The following ARHGEF11 variants were observed in gnomAD, a reference collection of about 807,000 sequenced individuals.
ARHGEF11 encodes the protein Rho guanine exchange factor (GEF) 11.
ARHGEF11 carries 55 observed loss-of-function variants against 193.7 expected under a neutral mutation model. The observed-to-expected ratio is 0.28, with a 90% CI of 0.23 to 0.36. The LOEUF is 0.36. ARHGEF11 is among the 10% of genes least tolerant of loss of function. The pLI is 1.00. For synonymous variants in ARHGEF11, 693 were observed against 768.0 expected, an observed-to-expected ratio of 0.90 and a Z score of 1.62; for missense variants, 1,723 against 2,005.6, an observed-to-expected ratio of 0.86 and a Z score of 2.69.
intron 1 of ARHGEF11, among the ~76,000 whole-genome samples, chr1:157,016,819 T>C (rs1156281375): frequency 6.6e-6 from 1 of 151,464 alleles, no homozygotes; most frequent in African/African-American, 2.4e-5. Context: ...ATTTATTTAT[T>C]TATTTATTTT....
chr1:156,941,481 T>C, intron 34 of ARHGEF11, 48 bp from the exon 35 acceptor site: 1 of 1,577,416 alleles, frequency 6.3e-7, no homozygotes, highest in Non-Finnish European at 8.7e-7. Context: ...GATTCCACCC[T>C]GGACTCATGC....
Position 156,943,916 on chromosome 1 carries a change from G to A in ARHGEF11, c.3235+19C>T. 9 of 1,602,656 alleles carry A rather than the reference G, an allele frequency of 5.6e-6. No homozygotes were observed. The highest frequency in any genetic ancestry group is 7.7e-6 in the Non-Finnish European group (9 of 1,172,654). On this transcript the variant is annotated intron_variant, in intron 32 of 40. Transcript: ENST00000368194. The stretch of plus-strand genomic sequence containing the variant: ...TGGTCCCTGAGCCCCAGGCCAGCCT[G>A]GACCATCTCCCCAGGTACCTGTGGC...
chr1:157,002,197 C>A (rs1267694524), intron 1 of ARHGEF11, among the ~76,000 whole-genome samples: 1 of 152,046 alleles, frequency 6.6e-6, no homozygotes, highest in Non-Finnish European at 1.5e-5. Flanking sequence ...AATAATGGAC[C>A]ACCTCGAACA....
Position 157,028,851 on chromosome 1 carries a change from A to C in ARHGEF11, c.32+15448T>G, listed in dbSNP as rs112689043. ...CACACCCACAATCCTAGCTATAATC[A>C]AAAAGAAAGTGTTGGTAAAGATATG... is the stretch of plus-strand genomic sequence containing the variant. On this transcript the variant is annotated intron_variant, in intron 1 of 40. Transcript: ENST00000368194. Among the ~76,000 whole-genome samples the C allele has an allele frequency of 4.1e-3, 619 of 152,240 alleles. 4 individuals carry two copies. Among genetic ancestry groups the C allele is most frequent in the Admixed American group, 8.6e-3 (132 of 15,290 alleles).
intron 13 of ARHGEF11, among the ~76,000 whole-genome samples, chr1:156,962,720 T>C (rs1661082890): frequency 6.6e-6 from 1 of 150,904 alleles, no homozygotes; most frequent in Non-Finnish European, 1.5e-5. Flanking sequence ...CTACTAAAAA[T>C]ACAAAAAAAT....
chr1:157,018,918 C>T (rs1378981176), intron 1 of ARHGEF11, among the ~76,000 whole-genome samples: 1 of 152,106 alleles, frequency 6.6e-6, no homozygotes, highest in South Asian at 2.1e-4. Context: ...AACTGGACCT[C>T]ATATGCAAAA....
Position 156,969,355 on chromosome 1 carries a change from C to G in ARHGEF11, c.752G>C (p.Arg251Pro). ...CCCCTCCTGGGAATCCAGAGAGAGC[C>G]GGCCTGAGAAGAAAATAGTTTCTAT... ...GDTSQRPSEG[R>P]LSLDSQEGDS... Residue 251 changes from arginine (R) to proline (P), a missense_variant, in exon 10 of 41, where the codon CGG (arginine) becomes CCG (proline). Around this residue, in one of 5 missense-constraint regions of ARHGEF11, gnomAD observed 646 missense variants for 710.7 expected, o/e 0.91. Transcript: ENST00000368194. The G allele has an allele frequency of 6.2e-7, 1 of 1,605,978 alleles. No individual in the cohort carries two copies. The highest frequency in any genetic ancestry group is 8.5e-7 in the Non-Finnish European group (1 of 1,175,800).
chr1:156,936,103 ACC>A (rs1655021435), intron 40 of ARHGEF11, 45 bp from the exon 41 acceptor site: 5 of 1,575,004 alleles, frequency 3.2e-6, no homozygotes, highest in African/African-American at 1.4e-5. Context: ...GCCTGAGGTG[ACC>A]GCTTCCACAT....
intron 18 of ARHGEF11, among the ~76,000 whole-genome samples, chr1:156,957,417 C>T (rs1487950976): frequency 1.3e-5 from 2 of 152,198 alleles, no homozygotes; most frequent in African/African-American, 4.8e-5. Context: ...CACTAACAGG[C>T]TGATTCCACG....
chr1:156,989,141 C>T (rs561213521), intron 1 of ARHGEF11, among the ~76,000 whole-genome samples: 179 of 152,152 alleles, frequency 1.2e-3, no homozygotes, highest in African/African-American at 4.0e-3. Flanking sequence ...GGTATGGAGG[C>T]GGCCCTGAGG....
At chr1:156,937,633 C>T in intron 38 of ARHGEF11, 137 bp from the exon 39 acceptor site, 1 of 916,838 alleles carries the variant, frequency 1.1e-6, no homozygotes, top group Non-Finnish European at 1.6e-6. Flanking sequence ...AGAACGTGGG[C>T]CTTGCTCACT....
intron 1 of ARHGEF11, among the ~76,000 whole-genome samples, chr1:157,012,410 T>C (rs1668650125): frequency 1.3e-5 from 2 of 152,182 alleles, no homozygotes; most frequent in Non-Finnish European, 2.9e-5. Flanking sequence ...GATGTGATAA[T>C]GGCACAACTG....
At chr1:156,983,782 A>T (rs752327944) in intron 3 of ARHGEF11, among the ~76,000 whole-genome samples, 2 of 152,250 alleles carry the variant, frequency 1.3e-5, no homozygotes, top group Admixed American at 1.3e-4. Context: ...TCACAAGGAA[A>T]ATGACTATGC....
Position 156,984,344 on chromosome 1 carries a change from C to G in ARHGEF11, c.218G>C (p.Arg73Pro). Residue 73 changes from arginine (R) to proline (P), a missense_variant, in exon 3 of 41, where the codon CGG becomes CCG. Transcript: ENST00000368194. ...GDRIVLVQSV[R>P]PGGAAMKAGV... ...AGGAGGGATGCAGCACTCACCAGGC[C>G]GCACAGACTGCACCAGAACAATGCG... is the stretch of plus-strand genomic sequence containing the variant. 6.3e-7 allele frequency: 1 copy of G among 1,585,082 alleles called. No individual in the cohort carries two copies. Among genetic ancestry groups the G allele is most frequent in the Non-Finnish European group, 8.6e-7 (1 of 1,165,064 alleles).
rs535925967 is a variant in ARHGEF11 at position 156,947,858 on chromosome 1, G to C, written c.2252C>G (p.Pro751Arg). Reference protein sequence around the residue: ...LGQLSDLEPEPDAQNWQHTVG... With the variant: ...LGQLSDLEPERDAQNWQHTVG... ...TGTATGCTGCCAATTTTGGGCATCT[G>C]GCTCTGGCTCCAGGTCAGACAGCTG... The change falls in exon 25 of 41, where the codon CCA (proline) becomes CGA (arginine). Residue 751 changes from proline (P) to arginine (R), a missense_variant. Physicochemically the swap from Pro to Arg is moderately radical, Grantham distance 103. Coordinates refer to ENST00000368194, the MANE Select transcript of ARHGEF11 (RefSeq NM_198236.3). The C allele has an allele frequency of 4.3e-6, 7 of 1,614,118 alleles. No homozygotes were observed. The African/African-American group carries it at 9.3e-5, about 22-fold the overall frequency.
chr1:156,942,592 T>TAA (rs1657251039), intron 33 of ARHGEF11, 98 bp downstream of exon 33: 2 of 1,101,920 alleles, frequency 1.8e-6, no homozygotes, highest in African/African-American at 1.5e-5. Flanking sequence ...GGGACTGCTT[T>TAA]GGGGCCCAAA....
chr1:156,997,522 CA>C (rs1380015765), intron 1 of ARHGEF11, among the ~76,000 whole-genome samples: 1 of 152,150 alleles, frequency 6.6e-6, no homozygotes, highest in Non-Finnish European at 1.5e-5. Context: ...TGCGGCAGAG[CA>C]GATGTGCACC....
Position 156,948,164 on chromosome 1 carries a change from C to T in ARHGEF11, c.2153+17G>A. ...ACAGAGACACCAAACAGAGGCACCA[C>T]CGTGCCCATCACTTACCTGCGGCCC... On this transcript the variant is annotated intron_variant, in intron 24 of 40. Coordinates refer to ENST00000368194, the MANE Select transcript of ARHGEF11 (RefSeq NM_198236.3). The surrounding 1 kb of genome is among the most constrained non-coding windows in gnomAD (Gnocchi z 4.2). 15 of 1,554,016 alleles carry T rather than the reference C, an allele frequency of 9.7e-6. No individual in the cohort carries two copies. Among genetic ancestry groups the T allele is most frequent in the Non-Finnish European group, 1.3e-5 (15 of 1,147,852 alleles).
chr1:156,989,595 T>C (rs567425429), intron 1 of ARHGEF11, among the ~76,000 whole-genome samples: 100 of 152,316 alleles, frequency 6.6e-4, no homozygotes, highest in Admixed American at 2.3e-3. Flanking sequence ...TACTGGATCC[T>C]AAGCGATGCT....
Sources: allele counts gnomAD v4.1 joint callset (sites outside exome capture counted in the v4.1 genomes callset), GRCh38; gene constraint gnomAD v4.1.1; regional missense constraint gnomAD v4.1.1; non-coding constraint Gnocchi (gnomAD v3.1); transcripts MANE v1.5; gene names NCBI Gene and HGNC (gene_info 2026-07-23, HGNC 2026-07-21).